Variants in ADGRB3 observed in about 807,000 individuals in gnomAD.
ADGRB3 encodes the protein adhesion G protein-coupled receptor B3, also known as brain-specific angiogenesis inhibitor 3.
Under a neutral mutation model 193.4 loss-of-function variants are expected in ADGRB3, and 37 were observed. The observed-to-expected ratio is 0.19, with a 90% confidence interval of 0.15 to 0.25. The LOEUF is 0.25. Ranked by LOEUF, ADGRB3 falls within the 10% of genes least tolerant of loss-of-function variation. The pLI is 1.00. For missense variants in ADGRB3, 1,637 were observed against 1,852.9 expected, an observed-to-expected ratio of 0.88 and a Z score of 2.14; for synonymous variants, 690 against 644.2, an observed-to-expected ratio of 1.07 and a Z score of -1.08.
intron 6 of ADGRB3, among the ~76,000 whole-genome samples, chr6:68,947,979 G>A (rs564572365): frequency 6.6e-6 from 1 of 152,240 alleles, no homozygotes; most frequent in East Asian, 1.9e-4. Context: ...TTACTTAAGG[G>A]ATTTGAGCTT....
At chr6:68,912,045 C>T (rs531938797) in intron 3 of ADGRB3, among the ~76,000 whole-genome samples, 2 of 151,886 alleles carry the variant, frequency 1.3e-5, no homozygotes, top group Non-Finnish European at 2.9e-5. Context: ...TCAGTTGTGA[C>T]CTTTTTGAAT....
chr6:69,169,775 A>G (rs906888136), intron 17 of ADGRB3, among the ~76,000 whole-genome samples: 2 of 152,102 alleles, frequency 1.3e-5, no homozygotes, highest in East Asian at 3.9e-4. Flanking sequence ...ATATTCAACC[A>G]TTTCTAATGT....
At chr6:69,254,776 A>G (rs1036146369) in intron 20 of ADGRB3, among the ~76,000 whole-genome samples, 8 of 151,394 alleles carry the variant, frequency 5.3e-5, no homozygotes, top group South Asian at 2.1e-4. Flanking sequence ...TTACATATGT[A>G]TACATGTGCC....
intron 3 of ADGRB3, among the ~76,000 whole-genome samples, chr6:68,716,113 A>G (rs1003296168): frequency 2.0e-5 from 3 of 151,794 alleles, no homozygotes; most frequent in Non-Finnish European, 4.4e-5. Flanking sequence ...TACAAATCAT[A>G]ATTGGTAAAC....
intron 17 of ADGRB3, among the ~76,000 whole-genome samples, chr6:69,198,637 G>T (rs1404119298): frequency 6.6e-6 from 1 of 151,992 alleles, no homozygotes; most frequent in African/African-American, 2.4e-5. Context: ...TCAACAGAAA[G>T]AAAGCAAATA....
chr6:69,367,559 C>A (rs1769601232), intron 29 of ADGRB3, among the ~76,000 whole-genome samples: 1 of 151,960 alleles, frequency 6.6e-6, no homozygotes, highest in African/African-American at 2.4e-5. Flanking sequence ...GCCATTCTAA[C>A]TGGTGTGAGA....
chr6:69,356,612 C>G (rs1769342673), intron 28 of ADGRB3, among the ~76,000 whole-genome samples: 1 of 152,068 alleles, frequency 6.6e-6, no homozygotes, highest in African/African-American at 2.4e-5. Context: ...GATTTCCATT[C>G]CACCAAGTAA....
chr6:68,870,498 G>C (rs571720410), intron 3 of ADGRB3, among the ~76,000 whole-genome samples: 2 of 152,058 alleles, frequency 1.3e-5, no homozygotes, highest in Admixed American at 1.3e-4. Flanking sequence ...ATCTCAGACC[G>C]TTTGCTAAAT....
chr6:68,657,776 A>T (rs1768525805), intron 3 of ADGRB3, among the ~76,000 whole-genome samples: 1 of 151,410 alleles, frequency 6.6e-6, no homozygotes, highest in African/African-American at 2.4e-5. Context: ...TCTATATGCA[A>T]ATTTGTATAG....
intron 17 of ADGRB3, among the ~76,000 whole-genome samples, chr6:69,191,252 T>A (rs1173401681): frequency 6.6e-6 from 1 of 152,168 alleles, no homozygotes; most frequent in Non-Finnish European, 1.5e-5. Flanking sequence ...AACAGCTTGC[T>A]GCTTCTACTT....
intron 17 of ADGRB3, among the ~76,000 whole-genome samples, chr6:69,224,821 G>GA (rs908486592): frequency 2.6e-4 from 40 of 151,940 alleles, no homozygotes; most frequent in Middle Eastern, 6.8e-3. Flanking sequence ...AATTTTCTGA[G>GA]AAAAAAATAC....
At chr6:68,942,180 G>T (rs952792650) in intron 5 of ADGRB3, among the ~76,000 whole-genome samples, 2 of 152,002 alleles carry the variant, frequency 1.3e-5, no homozygotes, top group East Asian at 3.9e-4. Context: ...AAGGGATGGG[G>T]TATCTCACAA....
intron 3 of ADGRB3, among the ~76,000 whole-genome samples, chr6:68,925,522 A>G (rs1767155695): frequency 6.6e-6 from 1 of 152,034 alleles, no homozygotes. Flanking sequence ...TCAGCAAATC[A>G]TATTTTAATA....
At chr6:69,018,026 T>G (rs1770147382) in intron 12 of ADGRB3, among the ~76,000 whole-genome samples, 1 of 151,934 alleles carries the variant, frequency 6.6e-6, no homozygotes, top group South Asian at 2.1e-4. Context: ...GTTCCTCATA[T>G]AGATGCCAAG....
In ADGRB3 at chr6:69,177,753, C is replaced by T. The variant is rs534466294; in HGVS notation, c.2481-55537C>T. The stretch of plus-strand genomic sequence containing the variant: ...ATATAATAGTGTGTTTTTGAAATAA[C>T]TTCTTGGTATTGGTTTTCATTTTTA... On this transcript the variant is annotated intron_variant, in intron 17 of 31. Coordinates refer to ENST00000370598, the MANE Select transcript of ADGRB3 (RefSeq NM_001704.3). Among the ~76,000 whole-genome samples, 11 of 152,268 alleles carry T rather than the reference C, an allele frequency of 7.2e-5. No individual in the cohort carries two copies. The South Asian group carries it at 2.1e-3, about 29-fold the overall frequency.
rs186070774 is a variant in ADGRB3 at position 68,803,070 on chromosome 6, C to T, written c.758-127489C>T. 5.7e-3 allele frequency among the ~76,000 whole-genome samples: 867 copies of T among 152,076 alleles called. 7 individuals carry two copies. Among genetic ancestry groups the T allele is most frequent in the Non-Finnish European group, 9.7e-3 (658 of 67,968 alleles). On this transcript the variant is annotated intron_variant, in intron 3 of 31. Coordinates refer to ENST00000370598, the MANE Select transcript of ADGRB3 (RefSeq NM_001704.3). ...CTATATACCATATATTGAATAACTA[C>T]CTCAAATTTCTATTGTCTGTATATA...
At chr6:68,986,821 T>C (rs1408091939) in intron 10 of ADGRB3, among the ~76,000 whole-genome samples, 1 of 152,176 alleles carries the variant, frequency 6.6e-6, no homozygotes, top group Non-Finnish European at 1.5e-5. Flanking sequence ...GTTTAAAATG[T>C]ATCATTTGCA....
At chr6:68,734,721 G>T (rs1437234692) in intron 3 of ADGRB3, among the ~76,000 whole-genome samples, 2 of 151,986 alleles carry the variant, frequency 1.3e-5, no homozygotes, top group Non-Finnish European at 1.5e-5. Context: ...GTGTCTCTTA[G>T]AAACAACAAA....
intron 3 of ADGRB3, 57 bp from the exon 4 acceptor site, chr6:68,930,502 G>A (rs1385845754): frequency 8.3e-7 from 1 of 1,199,802 alleles, no homozygotes; most frequent in East Asian, 2.5e-5. Context: ...AGACAGTAAT[G>A]TAATTTGTGA....
Sources: allele counts gnomAD v4.1 joint callset (sites outside exome capture counted in the v4.1 genomes callset), GRCh38; gene constraint gnomAD v4.1.1; transcripts MANE v1.5; gene names NCBI Gene and HGNC (gene_info 2026-07-23, HGNC 2026-07-21).